Variants in NFATC2 observed in about 807,000 individuals in gnomAD.
NFATC2 encodes nuclear factor of activated T cells 2, also known as nuclear factor of activated T-cells, cytoplasmic 2.
A neutral mutation model predicts 87.3 loss-of-function variants in NFATC2; 22 were observed. The ratio of observed to expected loss-of-function variants is 0.25; its 90% CI spans 0.18 to 0.36. The LOEUF (loss-of-function observed/expected upper bound fraction) is 0.36. NFATC2 is among the 10% of genes least tolerant of loss of function. The probability of loss-of-function intolerance (pLI) is 1.00; values close to 1 mark genes in which losing one functional copy is unlikely to be tolerated. For missense variants in NFATC2, 1,149 were observed against 1,259.1 expected (o/e 0.91, Z 1.32); for synonymous variants, 565 against 542.2 (o/e 1.04, Z -0.58).
At chr20:51,514,881 C>CAT (rs776060098) in intron 3 of NFATC2, among the ~76,000 whole-genome samples, 4 of 152,144 alleles carry the variant, frequency 2.6e-5, no homozygotes, top group African/African-American at 9.6e-5. Flanking sequence ...TCAAAAAATA[C>CAT]ATATATATAT....
intron 5 of NFATC2, among the ~76,000 whole-genome samples, chr20:51,462,944 G>A (rs966015617): frequency 6.6e-6 from 1 of 152,214 alleles, no homozygotes; most frequent in South Asian, 2.1e-4. Context: ...GGAGGACTTC[G>A]TGGGAAAGAC....
chr20:51,454,598 C>T lies in NFATC2; in HGVS notation c.1799G>A (p.Gly600Glu). The T allele has an allele frequency of 6.2e-7, 1 of 1,614,066 alleles. No homozygotes were observed. The highest frequency in any genetic ancestry group is 8.5e-7 in the Non-Finnish European group (1 of 1,180,018). The change falls in exon 6 of 11, where the codon GGG becomes GAG. Residue 600 changes from glycine to glutamate, a missense_variant. Physicochemically the swap from Gly to Glu is moderately conservative, Grantham distance 98. Around this residue, in one of 3 missense-constraint regions of NFATC2, gnomAD observed 581 missense variants for 649.7 expected, o/e 0.89. Transcript: ENST00000371564. ...VYGGQQMILT[G>E]QNFTSESKVV... ...TTTGGACTCGGATGTAAAGTTCTGCCCCGTGAGGATCATTTGCTGGCCGCC... is the reference window on the plus strand; with the variant it reads ...TTTGGACTCGGATGTAAAGTTCTGCTCCGTGAGGATCATTTGCTGGCCGCC...
intron 2 of NFATC2, among the ~76,000 whole-genome samples, chr20:51,519,913 C>T (rs932574693): frequency 1.5e-5 from 2 of 130,312 alleles, no homozygotes; most frequent in East Asian, 2.0e-4. Context: ...GAGACTCCAT[C>T]TAAAAAAAAA....
chr20:51,542,434 G>A lies in NFATC2; in HGVS notation c.66C>T (p.Gly22=). The part of the protein sequence containing the change: ...GGDAPGHEPG[G]SPQDELDFSI... ...AGAAGTCAAGCTCGTCTTGGGGGCT[G>A]CCCCCAGGCTCGTGGCCTGGGGCGT... The change falls in exon 1 of 11, where the codon GGC becomes GGT. Residue 22 remains glycine (G), a synonymous_variant. Coordinates refer to ENST00000371564, the MANE Select transcript of NFATC2 (RefSeq NM_012340.5). 6.2e-7 allele frequency: 1 copy of A among 1,600,196 alleles called. No individual in the cohort carries two copies. Among genetic ancestry groups the A allele is most frequent in the Non-Finnish European group, 8.5e-7 (1 of 1,173,970 alleles).
chr20:51,408,278 C>A lies in NFATC2; in HGVS notation c.2723-9548G>T, dbSNP rs370166168. Among the ~76,000 whole-genome samples the A allele has an allele frequency of 4.6e-5, 7 of 152,246 alleles. No homozygotes were observed. The East Asian group carries it at 9.6e-4, about 21-fold the overall frequency. ...CCTGTAATCCCAGTACTTTGGGAGG[C>A]TGAGGCGGGCAGATCACTTGAGGTC... is the stretch of plus-strand genomic sequence containing the variant. On this transcript the variant is annotated intron_variant, in intron 9 of 10. Transcript: ENST00000371564.
chr20:51,543,654 GC>G (rs1283772848), upstream of NFATC2, among the ~76,000 whole-genome samples: 2 of 152,258 alleles, frequency 1.3e-5, no homozygotes, highest in East Asian at 1.9e-4. Context: ...TGATTCCCAG[GC>G]CCCTCCCTGG....
chr20:51,448,990 C>T (rs867364957), intron 6 of NFATC2, among the ~76,000 whole-genome samples: 1 of 152,178 alleles, frequency 6.6e-6, no homozygotes, highest in Admixed American at 6.5e-5. Flanking sequence ...TTCCACTGCT[C>T]TCCAATTTGT....
chr20:51,534,733 T>C (rs920204055), intron 1 of NFATC2, among the ~76,000 whole-genome samples: 14 of 152,172 alleles, frequency 9.2e-5, no homozygotes, highest in Non-Finnish European at 1.9e-4. Flanking sequence ...CACTCGAACA[T>C]TTCAAGTCCC....
At position 51,505,457 on chromosome 20, in the gene NFATC2, GTGTA is replaced by G. The variant is rs1435807624; in HGVS notation, c.1332+11323_1332+11326del. On this transcript the variant is annotated intron_variant, in intron 3 of 10. Transcript: ENST00000371564. ...ACATTGTATATATATGTGTAGGTGT[GTGTA>G]TATATATATATATGAATATATATAA... Among the ~76,000 whole-genome samples, 939 of 150,514 alleles carry G rather than the reference GTGTA, an allele frequency of 6.2e-3. 14 individuals are homozygous for G. The highest frequency in any genetic ancestry group is 0.021 in the African/African-American group (861 of 40,992).
At chr20:51,493,059 C>A (rs896964806) in intron 3 of NFATC2, among the ~76,000 whole-genome samples, 1 of 152,192 alleles carries the variant, frequency 6.6e-6, no homozygotes, top group African/African-American at 2.4e-5. Flanking sequence ...ATCTGGGTCC[C>A]AGTTTTGCCA....
At position 51,432,678 on chromosome 20, in the gene NFATC2, C is replaced by T. The variant is rs142968422; in HGVS notation, c.2111G>A (p.Ser704Asn). The T allele has an allele frequency of 2.5e-6, 4 of 1,571,196 alleles. No homozygotes were observed. The highest frequency in any genetic ancestry group is 1.8e-5 in the Admixed American group (1 of 54,966). Residue 704 changes from serine to asparagine, a missense_variant, in exon 9 of 11, where the codon AGC (serine) becomes AAC (asparagine). Transcript: ENST00000371564. The surrounding 1 kb of genome is among the most constrained non-coding windows in gnomAD (Gnocchi z 4.6). The stretch of plus-strand genomic sequence containing the variant: ...CGGGTGCTGGGGGTAGTAAGGCTGG[C>T]TCCCCAGGCCTCCATGGGTGGGGCT... ...ICSPTHGGLG[S>N]QPYYPQHPMV...
At chr20:51,428,778 C>T (rs1982251505) in intron 9 of NFATC2, among the ~76,000 whole-genome samples, 1 of 152,324 alleles carries the variant, frequency 6.6e-6, no homozygotes, top group Non-Finnish European at 1.5e-5. Flanking sequence ...CTTCCCTCAA[C>T]CCTCAAAACG....
chr20:51,535,922 C>CCAA (rs1360100024), intron 1 of NFATC2, among the ~76,000 whole-genome samples: 1 of 152,158 alleles, frequency 6.6e-6, no homozygotes, highest in Non-Finnish European at 1.5e-5. Context: ...GTCCCAAATA[C>CCAA]CAACCCAGGA....
At chr20:51,398,272 G>GTGCC (rs1336307883) in intron 10 of NFATC2, among the ~76,000 whole-genome samples, 5 of 152,172 alleles carry the variant, frequency 3.3e-5, no homozygotes, top group Admixed American at 6.5e-5. Context: ...CTGTTCCCCA[G>GTGCC]TGCCGGACAC....
chr20:51,446,904 G>A (rs1461327419), intron 6 of NFATC2, among the ~76,000 whole-genome samples: 1 of 152,168 alleles, frequency 6.6e-6, no homozygotes, highest in African/African-American at 2.4e-5. Context: ...CCTGTCTGGA[G>A]TCTGACATTT....
chr20:51,520,436 C>CTTT (rs35265197), intron 2 of NFATC2, among the ~76,000 whole-genome samples: 2 of 139,522 alleles, frequency 1.4e-5, no homozygotes, highest in African/African-American at 2.7e-5. Flanking sequence ...TCAGGATTTT[C>CTTT]TTTTTTTTTT....
At chr20:51,484,559 C>T (rs1160484002) in intron 3 of NFATC2, among the ~76,000 whole-genome samples, 1 of 152,214 alleles carries the variant, frequency 6.6e-6, no homozygotes, top group Admixed American at 6.5e-5. Context: ...AAGGAAGAGT[C>T]TGTGACATCA....
chr20:51,447,213 G>T (rs1209475731), intron 6 of NFATC2, among the ~76,000 whole-genome samples: 1 of 152,192 alleles, frequency 6.6e-6, no homozygotes, highest in African/African-American at 2.4e-5. Context: ...GGGAAAGAGG[G>T]AATTCCACCA....
chr20:51,440,593 G>C (rs1451768510), intron 6 of NFATC2, among the ~76,000 whole-genome samples: 1 of 152,136 alleles, frequency 6.6e-6, no homozygotes, highest in Non-Finnish European at 1.5e-5. Flanking sequence ...AGAGGAATAA[G>C]AAATCAAAAC....
Sources: gnomAD v4.1 joint callset for allele counts (sites outside exome capture counted in the v4.1 genomes callset) on GRCh38, gnomAD v4.1.1 for gene constraint, gnomAD v4.1.1 regional missense constraint, Gnocchi (gnomAD v3.1) non-coding constraint, MANE v1.5 for transcripts, NCBI Gene and HGNC (gene_info 2026-07-23, HGNC 2026-07-21) for gene names.